The following NUTM1 variants were observed in gnomAD, a reference collection of about 807,000 sequenced individuals.
The protein encoded by NUTM1 is NUT family member 1.
A neutral mutation model predicts 88.7 loss-of-function variants in NUTM1; 39 were observed. The observed-to-expected ratio is 0.44, with a 90% confidence interval of 0.34 to 0.57. The LOEUF (loss-of-function observed/expected upper bound fraction) is 0.57. Ranked by LOEUF, NUTM1 falls within the 20% of genes least tolerant of loss-of-function variation. The probability of loss-of-function intolerance (pLI) is 0.01; values close to 1 mark genes in which losing one functional copy is unlikely to be tolerated. For synonymous variants in NUTM1, 494 were observed against 538.0 expected (o/e 0.92, Z 1.13); for missense variants, 1,350 against 1,414.5 (o/e 0.95, Z 0.73).
intron 5 of NUTM1, 110 bp from the exon 6 acceptor site, chr15:34,354,336 T>G: frequency 8.4e-7 from 1 of 1,197,216 alleles, no homozygotes; most frequent in Non-Finnish European, 1.2e-6. Flanking sequence ...GTGGTTTCTG[T>G]GCTACTTCCC....
At position 34,348,140 on chromosome 15, in the gene NUTM1, T is replaced by C. The variant is rs764583689; in HGVS notation, c.272T>C (p.Leu91Pro). The C allele has an allele frequency of 3.3e-5, 54 of 1,613,994 alleles. No homozygotes were observed. Among genetic ancestry groups the C allele is most frequent in the African/African-American group, 8.0e-5 (6 of 74,874 alleles). The change falls in exon 3 of 8, where the codon CTC becomes CCC. Residue 91 changes from leucine (L) to proline (P), a missense_variant. By Grantham distance (98) the Leu-to-Pro change is moderately conservative (BLOSUM62 -3). This residue lies in a region of NUTM1 where 399 missense variants were observed against 397.9 expected (regional missense o/e 1.00). Coordinates refer to ENST00000537011, the MANE Select transcript of NUTM1 (RefSeq NM_001284292.2). ...SVFSPDNPLM[L>P]SAFPSSLLVT... is the part of the protein sequence containing the mutation. ...TTCTCTCCAGACAACCCTCTGATGCTCTCTGCTTTCCCCAGCTCACTGTTG... is the reference window on the plus strand; with the variant it reads ...TTCTCTCCAGACAACCCTCTGATGCCCTCTGCTTTCCCCAGCTCACTGTTG...
rs751817080 is a variant in NUTM1 at position 34,348,692 on chromosome 15, C to T, written c.809+15C>T. On this transcript the variant is annotated intron_variant, in intron 3 of 7. Coordinates refer to ENST00000537011, the MANE Select transcript of NUTM1 (RefSeq NM_001284292.2). Reference sequence around the variant, plus strand: ...TGTTTTCTTATGTAAGTGGGGAGACCGGAGATTAATTATTCTAGGGCTTTT... The same window carrying T: ...TGTTTTCTTATGTAAGTGGGGAGACTGGAGATTAATTATTCTAGGGCTTTT... 16 of 1,539,080 alleles carry T rather than the reference C, an allele frequency of 1.0e-5. No individual in the cohort carries two copies. Among genetic ancestry groups the T allele is most frequent in the South Asian group, 6.7e-5 (6 of 89,468 alleles).
chr15:34,356,055 G>A lies in NUTM1; in HGVS notation c.2047G>A (p.Val683Ile), dbSNP rs1031227865. 9.3e-6 allele frequency: 15 copies of A among 1,613,978 alleles called. No individual in the cohort carries two copies. Among genetic ancestry groups the A allele is most frequent in the Admixed American group, 3.3e-5 (2 of 59,992 alleles). ...GCAAGGACAAGGGTTAGAAAAGCAA[G>A]TCCTGGGATTGCAGAAAGGACAACA... ...PLQGQGLEKQVLGLQKGQQTG... is the reference protein window; with the variant it reads ...PLQGQGLEKQILGLQKGQQTG... Residue 683 changes from valine to isoleucine, a missense_variant, in exon 8 of 8, where the codon GTC becomes ATC. Val to Ile is a conservative substitution (Grantham distance 29, BLOSUM62 3). Coordinates refer to ENST00000537011, the MANE Select transcript of NUTM1 (RefSeq NM_001284292.2).
rs1686542754 is a variant in NUTM1, at chr15:34,348,350, T to C, written c.482T>C (p.Phe161Ser). ...GGCCTTGAGGGTCCTGCACCTCCATTTGTGACAGCATCTAATGTGAAGACC... is the reference window on the plus strand; with the variant it reads ...GGCCTTGAGGGTCCTGCACCTCCATCTGTGACAGCATCTAATGTGAAGACC... ...CGGLEGPAPPFVTASNVKTIL... is the reference protein window; with the variant it reads ...CGGLEGPAPPSVTASNVKTIL... Residue 161 changes from phenylalanine (F) to serine (S), a missense_variant, in exon 3 of 8, where the codon TTT becomes TCT. Physicochemically the swap from Phe to Ser is radical, Grantham distance 155 (BLOSUM62 -2). This residue lies in a region of NUTM1 where 399 missense variants were observed against 397.9 expected (regional missense o/e 1.00). Transcript: ENST00000537011. 6.2e-7 allele frequency: 1 copy of C among 1,614,098 alleles called. No individual in the cohort carries two copies. Among genetic ancestry groups the C allele is most frequent in the Admixed American group, 1.7e-5 (1 of 60,004 alleles).
chr15:34,355,674 T>G lies in NUTM1; in HGVS notation c.1666T>G (p.Ser556Ala), dbSNP rs114366417. 4.4e-3 allele frequency: 7,097 copies of G among 1,608,862 alleles called. 118 individuals carry two copies. In the African/African-American group the frequency reaches 0.05, roughly 11 times the overall value. The change falls in exon 8 of 8, where the codon TCT becomes GCT. Residue 556 changes from serine (S) to alanine (A), a missense_variant. Coordinates refer to ENST00000537011, the MANE Select transcript of NUTM1 (RefSeq NM_001284292.2). This position sits in a 1 kb window ranked among gnomAD's most constrained non-coding sequence, Gnocchi z 4.3. ...CGCCGCTTGCCTTGGAAAGGTTTCT[T>G]CTTCAGGAAAACGGGCAAGAGAAGT... is the stretch of plus-strand genomic sequence containing the variant. ...GGAACLGKVS[S>A]SGKRAREVHG...
At chr15:34,345,235 C>A (rs1182613385) in intron 1 of NUTM1, among the ~76,000 whole-genome samples, 3 of 152,086 alleles carry the variant, frequency 2.0e-5, no homozygotes, top group Non-Finnish European at 4.4e-5. Flanking sequence ...CGCCAGGAAC[C>A]TTAGCAGATA....
Position 34,356,769 on chromosome 15 carries a change from C to A in NUTM1, c.2761C>A (p.Pro921Thr), listed in dbSNP as rs900935791. 1 of 1,612,346 alleles carries A rather than the reference C, an allele frequency of 6.2e-7. No homozygotes were observed. Among genetic ancestry groups the A allele is most frequent in the African/African-American group, 1.3e-5 (1 of 74,420 alleles). The change falls in exon 8 of 8, where the codon CCT becomes ACT. Residue 921 changes from proline to threonine, a missense_variant. Transcript: ENST00000537011. Reference sequence around the variant, plus strand: ...AGGGAGCAGAGGCAATTCCTTTTCTCCTCTGTTGGAAACCATAGAACCTGT... The same window carrying A: ...AGGGAGCAGAGGCAATTCCTTTTCTACTCTGTTGGAAACCATAGAACCTGT... ...EAGSRGNSFS[P>T]LLETIEPVNI...
At position 34,353,805 on chromosome 15, in the gene NUTM1, G is replaced by C; in HGVS notation, c.1008G>C (p.Leu336=). The change falls in exon 5 of 8, where the codon CTG becomes CTC. Residue 336 remains leucine, a synonymous_variant. Coordinates refer to ENST00000537011, the MANE Select transcript of NUTM1 (RefSeq NM_001284292.2). ...AGCTGATGAATGGGTCTCAGGGCCT[G>C]TCTCCTGCAACCCCTTTGAAACTTG... ...NTQLMNGSQG[L]SPATPLKLDP... 1.2e-6 allele frequency: 2 copies of C among 1,614,142 alleles called. No homozygotes were observed. Among genetic ancestry groups the C allele is most frequent in the Non-Finnish European group, 1.7e-6 (2 of 1,179,996 alleles).
chr15:34,349,792 A>T (rs533284318), intron 3 of NUTM1, among the ~76,000 whole-genome samples: 1 of 152,384 alleles, frequency 6.6e-6, no homozygotes, highest in African/African-American at 2.4e-5. Flanking sequence ...CAGCGTCTTC[A>T]GGCTCCCTGC....
chr15:34,353,976 TTTCC>T, intron 5 of NUTM1, 104 bp downstream of exon 5: 18 of 1,312,364 alleles, frequency 1.4e-5, no homozygotes, highest in Non-Finnish European at 1.9e-5. Context: ...GCTCTGCCAC[TTTCC>T]CTCTGGAGAG....
chr15:34,343,779 C>T, intron 1 of NUTM1, 77 bp downstream of exon 1: 1 of 1,270,414 alleles, frequency 7.9e-7, no homozygotes, highest in Non-Finnish European at 1.1e-6. Context: ...TAGAAGTTCT[C>T]CTTATAAGAC....
Position 34,350,841 on chromosome 15 carries a change from G to T in NUTM1, c.938+9G>T, listed in dbSNP as rs750453873. ...TATGAGATGGCAGAAAGGTGAGTTCGATGAACCTTCATTCTCCTGAGGGAG... is the reference window on the plus strand; with the variant it reads ...TATGAGATGGCAGAAAGGTGAGTTCTATGAACCTTCATTCTCCTGAGGGAG... On this transcript the variant is annotated intron_variant, in intron 4 of 7. Coordinates refer to ENST00000537011, the MANE Select transcript of NUTM1 (RefSeq NM_001284292.2). The T allele has an allele frequency of 1.2e-6, 2 of 1,613,918 alleles. No individual in the cohort carries two copies. Among genetic ancestry groups the T allele is most frequent in the South Asian group, 2.2e-5 (2 of 91,072 alleles).
At chr15:34,353,685 T>TCTCCTTCTCA in intron 4 of NUTM1, 51 bp from the exon 5 acceptor site, 1 of 1,599,306 alleles carries the variant, frequency 6.3e-7, no homozygotes, top group Non-Finnish European at 8.5e-7. Flanking sequence ...GGATTTCTGA[T>TCTCCTTCTCA]GGGTCTGGTC....
chr15:34,354,090 A>G (rs1890756064), intron 5 of NUTM1, among the ~76,000 whole-genome samples: 1 of 150,932 alleles, frequency 6.6e-6, no homozygotes, highest in Non-Finnish European at 1.5e-5. Flanking sequence ...TAAACTGACT[A>G]CTCTCACCGA....
At chr15:34,352,722 CTT>C (rs1254895650) in intron 4 of NUTM1, among the ~76,000 whole-genome samples, 1 of 150,028 alleles carries the variant, frequency 6.7e-6, no homozygotes, top group Non-Finnish European at 1.5e-5. Flanking sequence ...AGGAGAATCA[CTT>C]GAACCCGGGA....
rs181153214 is a variant in NUTM1, at chr15:34,357,500, G to C, written c.*9G>C. On this transcript the variant is annotated 3_prime_UTR_variant, in exon 8 of 8. Transcript: ENST00000537011. ...GACGTCGTAGCCAGTAGGGAGCAGC[G>C]GGACCATCTGACCCCACTTGCCAGT... is the stretch of plus-strand genomic sequence containing the variant. 60 of 1,612,360 alleles carry C rather than the reference G, an allele frequency of 3.7e-5. No individual in the cohort carries two copies. In the South Asian group the frequency reaches 6.6e-4, roughly 18 times the overall value.
intron 4 of NUTM1, among the ~76,000 whole-genome samples, chr15:34,352,642 C>CAA (rs34684058): frequency 7.0e-4 from 79 of 112,702 alleles, no homozygotes; most frequent in Admixed American, 2.7e-3. Flanking sequence ...ACTAAAAATA[C>CAA]AAAAAAAAAA....
chr15:34,352,050 A>G (rs34740986), intron 4 of NUTM1, among the ~76,000 whole-genome samples: 13,356 of 152,052 alleles, frequency 0.088, 725 homozygotes, highest in South Asian at 0.16. Flanking sequence ...CATGCCTGTA[A>G]TCCCAGCTAC....
chr15:34,357,025 G>A lies in NUTM1; in HGVS notation c.3017G>A (p.Gly1006Glu). The A allele has an allele frequency of 6.2e-7, 1 of 1,613,992 alleles. No homozygotes were observed. Among genetic ancestry groups the A allele is most frequent in the East Asian group, 2.2e-5 (1 of 44,874 alleles). The change falls in exon 8 of 8, where the codon GGA becomes GAA. Residue 1006 changes from glycine to glutamate, a missense_variant. Gly to Glu is a moderately conservative substitution (Grantham distance 98). Transcript: ENST00000537011. Reference sequence around the variant, plus strand: ...CTTGGAAGCACTTTGCCTAGAAGGGGAACCAGGAATGCCATAGTTCCGAGA... The same window carrying A: ...CTTGGAAGCACTTTGCCTAGAAGGGAAACCAGGAATGCCATAGTTCCGAGA... ...QGLGSTLPRRGTRNAIVPRET... is the reference protein window; with the variant it reads ...QGLGSTLPRRETRNAIVPRET...
Sources: allele counts gnomAD v4.1 joint callset (sites outside exome capture counted in the v4.1 genomes callset), GRCh38; gene constraint gnomAD v4.1.1; regional missense constraint gnomAD v4.1.1; non-coding constraint Gnocchi (gnomAD v3.1); transcripts MANE v1.5; gene names NCBI Gene and HGNC (gene_info 2026-07-23, HGNC 2026-07-21).